ADAMTSL1: variants seen among roughly 807,000 people sequenced by gnomAD.
The protein encoded by ADAMTSL1 is ADAMTS like 1, also known as ADAMTS-like protein 1.
A neutral mutation model predicts 201.8 loss-of-function variants in ADAMTSL1; 126 were observed. That is an observed-to-expected ratio of 0.62 (90% CI 0.54 to 0.72). ADAMTSL1 has a LOEUF of 0.72. Ranked by LOEUF, ADAMTSL1 falls within the 30% of genes least tolerant of loss-of-function variation. The probability of loss-of-function intolerance (pLI) is 0.00; values close to 1 mark genes in which losing one functional copy is unlikely to be tolerated. For synonymous variants in ADAMTSL1, 1,121 were observed against 903.4 expected, an observed-to-expected ratio of 1.24 and a Z score of -4.32; for missense variants, 2,679 against 2,277.8, an observed-to-expected ratio of 1.18 and a Z score of -3.59.
intron 2 of ADAMTSL1, among the ~76,000 whole-genome samples, chr9:18,291,737 TCTCTCTCTCTCACACACACA>T (rs774405173): frequency 0.036 from 4,703 of 132,260 alleles, 108 homozygotes; most frequent in Non-Finnish European, 0.055. Flanking sequence ...TCTCTCTCTC[TCTCTCTCTCTCACACACACA>T]CACACACACA....
At chr9:18,838,385 ACACACACACACACACAC>A (rs1825463225) in intron 23 of ADAMTSL1, among the ~76,000 whole-genome samples, 5 of 150,234 alleles carry the variant, frequency 3.3e-5, no homozygotes, top group Admixed American at 6.6e-5. Context: ...ACACACACAC[ACACACACACACACACAC>A]GCAAAAACCT....
chr9:18,332,128 A>T (rs1464916676), intron 2 of ADAMTSL1, among the ~76,000 whole-genome samples: 1 of 152,176 alleles, frequency 6.6e-6, no homozygotes, highest in African/African-American at 2.4e-5. Context: ...CAATTCTTCT[A>T]GCACAAGCCC....
intron 2 of ADAMTSL1, among the ~76,000 whole-genome samples, chr9:18,372,395 G>A (rs1043516112): frequency 6.6e-6 from 1 of 152,150 alleles, no homozygotes; most frequent in Non-Finnish European, 1.5e-5. Context: ...AGTTTACAAA[G>A]ACCTTTAAGA....
intron 13 of ADAMTSL1, among the ~76,000 whole-genome samples, chr9:18,693,268 T>C (rs527271389): frequency 2.9e-4 from 44 of 152,352 alleles, no homozygotes; most frequent in African/African-American, 1.0e-3. Flanking sequence ...CAAAATGACA[T>C]TTTATTGATA....
intron 15 of ADAMTSL1, among the ~76,000 whole-genome samples, chr9:18,725,327 C>G (rs1417197213): frequency 6.6e-6 from 1 of 152,136 alleles, no homozygotes; most frequent in African/African-American, 2.4e-5. Context: ...ATAGGCATTA[C>G]CCAGGGAGGA....
chr9:18,454,153 G>C (rs966860938), intron 2 of ADAMTSL1, among the ~76,000 whole-genome samples: 25 of 152,162 alleles, frequency 1.6e-4, no homozygotes, highest in African/African-American at 6.0e-4. Context: ...GAAAGCCTCA[G>C]AACCAGAAAA....
intron 4 of ADAMTSL1, among the ~76,000 whole-genome samples, chr9:18,584,495 C>G (rs1823350219): frequency 6.6e-6 from 1 of 152,184 alleles, no homozygotes; most frequent in African/African-American, 2.4e-5. Flanking sequence ...CTACTTTCCA[C>G]TCAATGGCAG....
chr9:18,718,604 G>A (rs1833116127), intron 14 of ADAMTSL1: 1 of 387,820 alleles, frequency 2.6e-6, no homozygotes, highest in African/African-American at 2.1e-5. Flanking sequence ...CCTCCGGGTT[G>A]CTACTCTCGG....
At chr9:18,056,301 T>A (rs1307229484) in intron 1 of ADAMTSL1, among the ~76,000 whole-genome samples, 1 of 152,154 alleles carries the variant, frequency 6.6e-6, no homozygotes, top group Non-Finnish European at 1.5e-5. Flanking sequence ...AGTGAAGAAA[T>A]CTGAGTTTCT....
chr9:18,785,453 C>T (rs1821652889), intron 19 of ADAMTSL1, among the ~76,000 whole-genome samples: 1 of 152,180 alleles, frequency 6.6e-6, no homozygotes, highest in African/African-American at 2.4e-5. Flanking sequence ...TGCAAATATG[C>T]ACTAAATTAG....
In ADAMTSL1 at chr9:18,107,660, A is replaced by G. The variant is rs573419048; in HGVS notation, c.88-56202A>G. ...ATAATTTAAGCAACAAAATAAAAACAAATACCAATTTTTCTGAGCTTCGGA... is the reference window on the plus strand; with the variant it reads ...ATAATTTAAGCAACAAAATAAAAACGAATACCAATTTTTCTGAGCTTCGGA... On this transcript the variant is annotated intron_variant, in intron 1 of 29. Transcript: ENST00000680146. Among the ~76,000 whole-genome samples the G allele has an allele frequency of 4.6e-5, 7 of 152,336 alleles. No homozygotes were observed. In the East Asian group the frequency reaches 1.4e-3, roughly 29 times the overall value.
At chr9:18,742,126 C>T (rs1026042566) in intron 15 of ADAMTSL1, among the ~76,000 whole-genome samples, 5 of 152,202 alleles carry the variant, frequency 3.3e-5, no homozygotes, top group African/African-American at 1.2e-4. Flanking sequence ...AGGATCCACC[C>T]TAGTGACCTC....
intron 1 of ADAMTSL1, 135 bp from the exon 2 acceptor site, chr9:18,504,694 C>T (rs1823024914): frequency 5.6e-6 from 7 of 1,251,626 alleles, no homozygotes; most frequent in East Asian, 4.7e-5. Flanking sequence ...GAAAAGAATC[C>T]GAGAATCTGA....
intron 1 of ADAMTSL1, among the ~76,000 whole-genome samples, chr9:18,078,951 G>A (rs1197220965): frequency 6.6e-6 from 1 of 152,166 alleles, no homozygotes; most frequent in South Asian, 2.1e-4. Flanking sequence ...CCTCTCCTTG[G>A]CTCCCATATC....
chr9:18,896,026 C>G (rs1191231143), intron 26 of ADAMTSL1, among the ~76,000 whole-genome samples: 2 of 150,064 alleles, frequency 1.3e-5, no homozygotes, highest in African/African-American at 2.5e-5. Flanking sequence ...AATTTTCAAA[C>G]TTGAAGATAG....
intron 1 of ADAMTSL1, among the ~76,000 whole-genome samples, chr9:17,943,417 C>T (rs903163979): frequency 6.6e-6 from 1 of 152,098 alleles, no homozygotes; most frequent in African/African-American, 2.4e-5. Context: ...AAAGATCATT[C>T]TCACCTTATC....
chr9:18,578,428 T>C (rs1379428051), intron 4 of ADAMTSL1, among the ~76,000 whole-genome samples: 1 of 152,192 alleles, frequency 6.6e-6, no homozygotes, highest in Non-Finnish European at 1.5e-5. Flanking sequence ...ACTATCATTC[T>C]AGACTAGATG....
chr9:18,575,520 C>G (rs570833839), intron 4 of ADAMTSL1, among the ~76,000 whole-genome samples: 3 of 152,262 alleles, frequency 2.0e-5, no homozygotes, highest in African/African-American at 7.2e-5. Context: ...CTGATCTTTG[C>G]TATTTACTTC....
chr9:18,395,294 T>G (rs1382726881), intron 2 of ADAMTSL1, among the ~76,000 whole-genome samples: 1 of 152,208 alleles, frequency 6.6e-6, no homozygotes, highest in African/African-American at 2.4e-5. Context: ...GACCAGCAGT[T>G]GCTTTAAATC....
Sources: gnomAD v4.1 joint callset for allele counts (sites outside exome capture counted in the v4.1 genomes callset) on GRCh38, gnomAD v4.1.1 for gene constraint, MANE v1.5 for transcripts, NCBI Gene and HGNC (gene_info 2026-07-23, HGNC 2026-07-21) for gene names.